CTNNA3: variants seen among roughly 807,000 people sequenced by gnomAD.
The protein encoded by CTNNA3 is catenin alpha-3.
CTNNA3 carries 76 observed loss-of-function variants against 95.7 expected under a neutral mutation model. The observed-to-expected ratio is 0.79, with a 90% confidence interval of 0.66 to 0.96. CTNNA3 has a LOEUF of 0.96. Among genes scored for constraint, CTNNA3 ranks in the 40% least tolerant of loss-of-function variants. The pLI is 0.00. For synonymous variants in CTNNA3, 431 were observed against 374.4 expected, an observed-to-expected ratio of 1.15 and a Z score of -1.74; for missense variants, 1,191 against 1,089.8, an observed-to-expected ratio of 1.09 and a Z score of -1.31.
chr10:66,266,849 T>C (rs1434288459), intron 13 of CTNNA3, among the ~76,000 whole-genome samples: 1 of 152,048 alleles, frequency 6.6e-6, no homozygotes, highest in Non-Finnish European at 1.5e-5. Flanking sequence ...AAGTCACTTT[T>C]AAAGAGATTC....
At chr10:66,046,085 A>G (rs2079822301) in intron 15 of CTNNA3, among the ~76,000 whole-genome samples, 1 of 152,136 alleles carries the variant, frequency 6.6e-6, no homozygotes, top group Non-Finnish European at 1.5e-5. Flanking sequence ...GATTACAACT[A>G]ATCAAGGAAA....
intron 5 of CTNNA3, among the ~76,000 whole-genome samples, chr10:67,233,909 T>C (rs1175529542): frequency 6.6e-6 from 1 of 152,182 alleles, no homozygotes. Flanking sequence ...CTAGAAAATC[T>C]AGAAGAAACG....
intron 5 of CTNNA3, among the ~76,000 whole-genome samples, chr10:67,316,972 C>T (rs1841080862): frequency 6.6e-6 from 1 of 152,100 alleles, no homozygotes; most frequent in African/African-American, 2.4e-5. Flanking sequence ...GTAGCTGTCA[C>T]CCAAATTGTA....
At chr10:67,500,721 C>T (rs193146569) in intron 5 of CTNNA3, among the ~76,000 whole-genome samples, 5 of 152,268 alleles carry the variant, frequency 3.3e-5, no homozygotes, top group South Asian at 2.1e-4. Context: ...GGTTTAAAGT[C>T]GGTTTTATCA....
At chr10:66,678,787 A>C (rs1404878157) in intron 9 of CTNNA3, among the ~76,000 whole-genome samples, 1 of 152,084 alleles carries the variant, frequency 6.6e-6, no homozygotes, top group Admixed American at 6.6e-5. Flanking sequence ...TCTTTCATCA[A>C]GAGTGTTCTA....
intron 1 of CTNNA3, among the ~76,000 whole-genome samples, chr10:67,707,143 G>T (rs1442427343): frequency 1.3e-5 from 2 of 151,988 alleles, no homozygotes; most frequent in African/African-American, 4.8e-5. Context: ...TTCCAACATT[G>T]GTAGCCATTC....
At chr10:66,439,600 C>T (rs574192339) in intron 11 of CTNNA3, among the ~76,000 whole-genome samples, 29 of 152,124 alleles carry the variant, frequency 1.9e-4, no homozygotes, top group Non-Finnish European at 3.2e-4. Flanking sequence ...TAACTTTTTA[C>T]ATAGCATGTA....
chr10:66,309,934 TAAATAAATAAATAAATA>T (rs1038001845), intron 12 of CTNNA3, among the ~76,000 whole-genome samples: 1 of 142,734 alleles, frequency 7.0e-6, no homozygotes, highest in African/African-American at 2.6e-5. Flanking sequence ...AATAAATAAA[TAAATAAATAAATAAATA>T]AATAAAATAA....
At chr10:66,050,959 T>A (rs1333918401) in intron 15 of CTNNA3, among the ~76,000 whole-genome samples, 3 of 152,102 alleles carry the variant, frequency 2.0e-5, no homozygotes, top group Admixed American at 1.3e-4. Context: ...GCTCAAGTGA[T>A]CCTCTCGCCT....
intron 5 of CTNNA3, among the ~76,000 whole-genome samples, chr10:67,521,533 A>T (rs1363662856): frequency 6.6e-6 from 1 of 152,172 alleles, no homozygotes; most frequent in Non-Finnish European, 1.5e-5. Context: ...GCCATTATAG[A>T]GACTCCCTTT....
intron 1 of CTNNA3, among the ~76,000 whole-genome samples, chr10:67,755,203 A>C (rs1412902473): frequency 2.0e-5 from 3 of 152,014 alleles, no homozygotes; most frequent in Non-Finnish European, 2.9e-5. Flanking sequence ...TAAAAAAAAA[A>C]AAAGGTGATG....
chr10:66,130,838 C>A (rs2083057735), intron 13 of CTNNA3, among the ~76,000 whole-genome samples: 2 of 140,186 alleles, frequency 1.4e-5, no homozygotes, highest in Admixed American at 7.4e-5. Context: ...CCTGGTGACA[C>A]AGCAAGACTC....
intron 4 of CTNNA3, among the ~76,000 whole-genome samples, chr10:67,535,930 T>C (rs901523602): frequency 6.6e-6 from 1 of 152,080 alleles, no homozygotes; most frequent in Admixed American, 6.6e-5. Context: ...CAATCAAAAA[T>C]AGCCATTCAC....
chr10:66,557,633 G>A (rs1009620432), intron 10 of CTNNA3, among the ~76,000 whole-genome samples: 5 of 152,082 alleles, frequency 3.3e-5, no homozygotes, highest in Non-Finnish European at 7.4e-5. Flanking sequence ...ATGTCTAAGT[G>A]AAGTAACAGA....
intron 5 of CTNNA3, among the ~76,000 whole-genome samples, chr10:67,445,648 C>T (rs547741373): frequency 1.5e-4 from 23 of 152,276 alleles, no homozygotes; most frequent in Non-Finnish European, 3.2e-4. Flanking sequence ...GAGACATATT[C>T]TAAGCATAGC....
chr10:66,073,899 G>A (rs928309377), intron 14 of CTNNA3, among the ~76,000 whole-genome samples: 4 of 151,948 alleles, frequency 2.6e-5, no homozygotes, highest in Non-Finnish European at 5.9e-5. Context: ...AATCATAAAT[G>A]TACAGTTGGA....
intron 5 of CTNNA3, among the ~76,000 whole-genome samples, chr10:67,327,249 CAGAACCCTT>C (rs1478314127): frequency 1.3e-5 from 2 of 152,138 alleles, no homozygotes; most frequent in Non-Finnish European, 2.9e-5. Context: ...CAATCCAGTT[CAGAACCCTT>C]GCTGGAGAGG....
chr10:66,975,994 A>AT (rs1246741530), intron 7 of CTNNA3, among the ~76,000 whole-genome samples: 1 of 152,186 alleles, frequency 6.6e-6, no homozygotes, highest in Admixed American at 6.5e-5. Context: ...ACCAGAGTTG[A>AT]TTCTTTTCTA....
chr10:67,234,818 C>A (rs1290163617), intron 5 of CTNNA3, among the ~76,000 whole-genome samples: 1 of 151,778 alleles, frequency 6.6e-6, no homozygotes, highest in Non-Finnish European at 1.5e-5. Flanking sequence ...AGCAAAATCT[C>A]AGGATACAAA....
Sources: allele counts gnomAD v4.1 joint callset (sites outside exome capture counted in the v4.1 genomes callset), GRCh38; gene constraint gnomAD v4.1.1; transcripts MANE v1.5; gene names NCBI Gene and HGNC (gene_info 2026-07-23, HGNC 2026-07-21).